Variants in THSD4 observed in about 807,000 individuals in gnomAD.
THSD4 encodes the protein thrombospondin type-1 domain-containing protein 4.
THSD4 carries 69 observed loss-of-function variants against 119.0 expected under a neutral mutation model. The observed-to-expected ratio is 0.58, with a 90% CI of 0.48 to 0.71. The LOEUF is 0.71. Ranked by LOEUF, THSD4 falls within the 30% of genes least tolerant of loss-of-function variation. THSD4 has a pLI of 0.00. For synonymous variants in THSD4, 524 were observed against 540.4 expected (o/e 0.97, Z 0.42); for missense variants, 1,393 against 1,391.1 (o/e 1.00, Z -0.02).
chr15:71,246,511 C>T (rs891608076), intron 5 of THSD4, among the ~76,000 whole-genome samples: 3 of 152,062 alleles, frequency 2.0e-5, no homozygotes, highest in Non-Finnish European at 4.4e-5. Flanking sequence ...GTGTGATCAC[C>T]CTTGGGTCAT....
intron 7 of THSD4, among the ~76,000 whole-genome samples, chr15:71,574,775 G>A (rs950644171): frequency 3.3e-5 from 5 of 152,136 alleles, no homozygotes; most frequent in African/African-American, 1.2e-4. Context: ...CACAGGAGGA[G>A]CTTCAAAGTC....
intron 8 of THSD4, among the ~76,000 whole-genome samples, chr15:71,717,373 A>G (rs542010488): frequency 4.1e-4 from 62 of 152,342 alleles, no homozygotes; most frequent in Admixed American, 2.1e-3. Context: ...GGGAAAACCC[A>G]GTAACATTTA....
At chr15:71,731,365 T>C (rs2052976992) in intron 10 of THSD4, 148 bp downstream of exon 10, 1 of 717,124 alleles carries the variant, frequency 1.4e-6, no homozygotes, top group East Asian at 2.7e-5. Flanking sequence ...GGCCTTGACA[T>C]TGGAGCAGGC....
intron 6 of THSD4, among the ~76,000 whole-genome samples, chr15:71,299,973 AAAAATATAT>A (rs1330643814): frequency 0.018 from 673 of 37,486 alleles, 3 homozygotes; most frequent in South Asian, 0.092. Flanking sequence ...AAAAAAAAAA[AAAAATATAT>A]ATATATATAT....
At position 71,242,972 on chromosome 15, in the gene THSD4, C is replaced by A. The variant is rs775571896; in HGVS notation, c.788C>A (p.Pro263Gln). 1 of 1,614,202 alleles carries A rather than the reference C, an allele frequency of 6.2e-7. No individual in the cohort carries two copies. The highest frequency in any genetic ancestry group is 1.1e-5 in the South Asian group (1 of 91,086). The change falls in exon 5 of 18, where the codon CCA (proline) becomes CAA (glutamine). Residue 263 changes from proline (P) to glutamine (Q), a missense_variant. Pro to Gln is a moderately conservative substitution (Grantham distance 76). Transcript: ENST00000261862. ...YPAASSLFHS[P>Q]ETSNNHGVGT... Reference sequence around the variant, plus strand: ...GCAGCTTCAAGTCTCTTTCACAGCCCAGAAACAAGCAACAACCACGGTGTG... The same window carrying A: ...GCAGCTTCAAGTCTCTTTCACAGCCAAGAAACAAGCAACAACCACGGTGTG...
At chr15:71,366,869 A>G (rs1052486783) in intron 6 of THSD4, among the ~76,000 whole-genome samples, 5 of 152,038 alleles carry the variant, frequency 3.3e-5, no homozygotes, top group African/African-American at 1.2e-4. Context: ...ACCAAATCGA[A>G]CCCTCTAATG....
chr15:71,329,599 T>G (rs754764504), intron 6 of THSD4, among the ~76,000 whole-genome samples: 8 of 152,208 alleles, frequency 5.3e-5, no homozygotes, highest in African/African-American at 1.9e-4. Flanking sequence ...TGAGATGTCA[T>G]GTCTCAGGCA....
intron 7 of THSD4, among the ~76,000 whole-genome samples, chr15:71,419,548 C>A (rs2046788757): frequency 9.3e-6 from 1 of 107,432 alleles, no homozygotes; most frequent in East Asian, 3.1e-4. Context: ...ATTTCTAGTT[C>A]TTTAAGATGC....
intron 6 of THSD4, among the ~76,000 whole-genome samples, chr15:71,334,480 A>G (rs1203082407): frequency 1.3e-5 from 2 of 152,152 alleles, no homozygotes; most frequent in African/African-American, 4.8e-5. Flanking sequence ...TAAACATCCA[A>G]TACAGTCAGT....
At chr15:71,694,996 G>C (rs1364850540) in intron 8 of THSD4, among the ~76,000 whole-genome samples, 1 of 152,146 alleles carries the variant, frequency 6.6e-6, no homozygotes, top group Non-Finnish European at 1.5e-5. Flanking sequence ...TTTGAAGTTT[G>C]CCTTCTGTGC....
intron 3 of THSD4, among the ~76,000 whole-genome samples, chr15:71,166,495 A>G (rs764436741): frequency 6.6e-4 from 101 of 152,328 alleles, no homozygotes; most frequent in Middle Eastern, 3.4e-3. Context: ...AGACCCTTTT[A>G]TAGCAATGAC....
intron 8 of THSD4, among the ~76,000 whole-genome samples, chr15:71,704,050 A>G (rs376689367): frequency 1.1e-3 from 174 of 152,122 alleles, no homozygotes; most frequent in East Asian, 3.5e-3. Flanking sequence ...GGGTTTCACC[A>G]TGTTAGCCAG....
chr15:71,369,054 A>G (rs1277832559), intron 6 of THSD4, among the ~76,000 whole-genome samples: 1 of 152,162 alleles, frequency 6.6e-6, no homozygotes, highest in African/African-American at 2.4e-5. Context: ...GCAATTGTGA[A>G]TGGGAGTTCA....
chr15:71,556,625 A>C (rs2049022321), intron 7 of THSD4, among the ~76,000 whole-genome samples: 1 of 152,100 alleles, frequency 6.6e-6, no homozygotes, highest in Non-Finnish European at 1.5e-5. Flanking sequence ...TTAGCTAGGC[A>C]TGGTGGTGTG....
At chr15:71,311,487 T>C (rs2045109863) in intron 6 of THSD4, among the ~76,000 whole-genome samples, 1 of 152,196 alleles carries the variant, frequency 6.6e-6, no homozygotes, top group Non-Finnish European at 1.5e-5. Context: ...TTCCAAGGCA[T>C]TTTTTGAACT....
intron 6 of THSD4, among the ~76,000 whole-genome samples, chr15:71,399,660 C>T (rs1393183090): frequency 6.6e-6 from 1 of 152,200 alleles, no homozygotes; most frequent in Non-Finnish European, 1.5e-5. Flanking sequence ...AGTTCAGAAG[C>T]ATCAGTTAGA....
intron 4 of THSD4, among the ~76,000 whole-genome samples, chr15:71,216,580 A>T (rs1234828825): frequency 1.3e-5 from 2 of 152,214 alleles, no homozygotes; most frequent in Non-Finnish European, 2.9e-5. Flanking sequence ...AGGATGAGTC[A>T]AGTTTGAGTA....
At chr15:71,614,263 C>T (rs2050283980) in intron 7 of THSD4, among the ~76,000 whole-genome samples, 1 of 152,218 alleles carries the variant, frequency 6.6e-6, no homozygotes, top group South Asian at 2.1e-4. Flanking sequence ...CATTCTGTAT[C>T]CATTCCAGCC....
chr15:71,465,854 C>T (rs867132154), intron 7 of THSD4, among the ~76,000 whole-genome samples: 1 of 152,142 alleles, frequency 6.6e-6, no homozygotes, highest in South Asian at 2.1e-4. Flanking sequence ...AATGCCTATT[C>T]AGGGCATTTA....
Sources: gnomAD v4.1 joint callset for allele counts (sites outside exome capture counted in the v4.1 genomes callset) on GRCh38, gnomAD v4.1.1 for gene constraint, MANE v1.5 for transcripts, NCBI Gene and HGNC (gene_info 2026-07-23, HGNC 2026-07-21) for gene names.